Variants in PNP observed in about 807,000 individuals in gnomAD.
PNP encodes the protein purine nucleoside phosphorylase.
Under a neutral mutation model 26.8 loss-of-function variants are expected in PNP, and 18 were observed. The observed-to-expected ratio is 0.67, with a 90% confidence interval of 0.46 to 1.00. The LOEUF is 1.00. PNP is among the 50% of genes least tolerant of loss of function. PNP has a pLI of 0.00. For synonymous variants in PNP, 116 were observed against 124.8 expected, an observed-to-expected ratio of 0.93 and a Z score of 0.47; for missense variants, 320 against 362.9, an observed-to-expected ratio of 0.88 and a Z score of 0.96.
intron 1 of PNP, among the ~76,000 whole-genome samples, chr14:20,471,687 A>C (rs1324717785): frequency 6.6e-6 from 1 of 152,226 alleles, no homozygotes; most frequent in Non-Finnish European, 1.5e-5. Context: ...TTAAAACAAA[A>C]AAGAAATGTA....
intron 1 of PNP, among the ~76,000 whole-genome samples, chr14:20,471,957 C>G (rs1279546113): frequency 6.6e-6 from 1 of 152,156 alleles, no homozygotes; most frequent in Non-Finnish European, 1.5e-5. Flanking sequence ...TGCACTTCCC[C>G]GTACACTCTG....
At chr14:20,472,550 C>A in intron 2 of PNP, 73 bp downstream of exon 2, 1 of 1,382,546 alleles carries the variant, frequency 7.2e-7, no homozygotes, top group Admixed American at 1.8e-5. Context: ...ACCAAGGAGG[C>A]CAATGTTTCT....
At chr14:20,475,317 G>T (rs1594427893) in intron 5 of PNP, 65 bp downstream of exon 5, 1 of 1,417,908 alleles carries the variant, frequency 7.1e-7, no homozygotes, top group South Asian at 1.2e-5. Flanking sequence ...GAAGGGGAAG[G>T]AGTAGGAAAT....
intron 5 of PNP, among the ~76,000 whole-genome samples, chr14:20,475,872 G>A (rs1882098082): frequency 6.6e-6 from 1 of 152,182 alleles, no homozygotes; most frequent in South Asian, 2.1e-4. Context: ...TCTATCATTA[G>A]GATTGAGTTC....
chr14:20,474,392 T>A (rs1427226412), intron 2 of PNP, 80 bp from the exon 3 acceptor site: 3 of 1,141,056 alleles, frequency 2.6e-6, no homozygotes, highest in East Asian at 4.7e-5. Context: ...GCAGAGCGAG[T>A]AACTCACAGT....
chr14:20,474,363 T>C lies in PNP; in HGVS notation c.182-109T>C. 4.3e-6 allele frequency: 4 copies of C among 928,226 alleles called. No homozygotes were observed. In the South Asian group the frequency reaches 5.6e-5, roughly 13 times the overall value. The allele number at this position is 928,226 out of a possible 1,614,324, so 57.5% of individuals were successfully genotyped here. On this transcript the variant is annotated intron_variant, in intron 2 of 5. Coordinates refer to ENST00000361505, the MANE Select transcript of PNP (RefSeq NM_000270.4). Reference sequence around the variant, plus strand: ...AGATAATAATGAGTCTTTTACTTAATTACAACCTAACATTTTGAGCAGAGC... The same window carrying C: ...AGATAATAATGAGTCTTTTACTTAACTACAACCTAACATTTTGAGCAGAGC...
chr14:20,469,885 A>G, intron 1 of PNP: 1 of 482,668 alleles, frequency 2.1e-6, no homozygotes. Context: ...ACTCCATACC[A>G]GGAGGAGGTC....
chr14:20,471,934 T>C (rs750696996), intron 1 of PNP, among the ~76,000 whole-genome samples: 3 of 152,152 alleles, frequency 2.0e-5, no homozygotes, highest in Non-Finnish European at 2.9e-5. Context: ...CCTCCCTAAT[T>C]TGATTATTTC....
chr14:20,470,816 A>G (rs1441526192), intron 1 of PNP: 2 of 152,268 alleles, frequency 1.3e-5, no homozygotes, highest in Non-Finnish European at 2.9e-5. Context: ...TAACAGAGCC[A>G]TAGGTCTTTG....
chr14:20,474,984 G>C (rs756502267), intron 4 of PNP, 36 bp downstream of exon 4: 1 of 1,613,796 alleles, frequency 6.2e-7, no homozygotes, highest in Admixed American at 1.7e-5. Context: ...AGGTGGGTAG[G>C]ATTTAAAGAC....
rs201831232 is a variant in PNP, at chr14:20,474,965, GTT to G, written c.461+24_461+25del. Reference sequence around the variant, plus strand: ...TGATGAAAGGTATGTATGTTACTCCGTTTTTTTTAGGTGGGTAGGATTTAAAG... The same window carrying G: ...TGATGAAAGGTATGTATGTTACTCCGTTTTTTAGGTGGGTAGGATTTAAAG... On this transcript the variant is annotated intron_variant, in intron 4 of 5. Coordinates refer to ENST00000361505, the MANE Select transcript of PNP (RefSeq NM_000270.4). 1 of 1,613,548 alleles carries G rather than the reference GTT, an allele frequency of 6.2e-7. No homozygotes were observed. The highest frequency in any genetic ancestry group is 8.5e-7 in the Non-Finnish European group (1 of 1,179,638).
chr14:20,469,589 C>G, intron 1 of PNP, 54 bp downstream of exon 1: 1 of 1,551,840 alleles, frequency 6.4e-7, no homozygotes, highest in Non-Finnish European at 8.7e-7. Flanking sequence ...GTGCTGTGAC[C>G]CGGGAACCTG....
intron 1 of PNP, among the ~76,000 whole-genome samples, chr14:20,470,138 C>T (rs17884106): frequency 6.6e-6 from 1 of 152,178 alleles, no homozygotes; most frequent in Admixed American, 6.5e-5. Context: ...CTTCCCCCAC[C>T]CCACGCCTTT....
chr14:20,471,828 TA>T (rs1881993424), intron 1 of PNP, among the ~76,000 whole-genome samples: 1 of 152,162 alleles, frequency 6.6e-6, no homozygotes, highest in South Asian at 2.1e-4. Flanking sequence ...GGTAAGGTAA[TA>T]AGGGGGATTT....
At position 20,476,663 on chromosome 14, in the gene PNP, C is replaced by A; in HGVS notation, c.*62C>A. Reference sequence around the variant, plus strand: ...CCCAAGTAGCTGCTACCTTCTTTGGCCCCTTGCTGGAGTCATGTGCCTCTG... The same window carrying A: ...CCCAAGTAGCTGCTACCTTCTTTGGACCCTTGCTGGAGTCATGTGCCTCTG... On this transcript the variant is annotated 3_prime_UTR_variant, in exon 6 of 6. Transcript: ENST00000361505. 1 of 1,348,532 alleles carries A rather than the reference C, an allele frequency of 7.4e-7. No homozygotes were observed. The highest frequency in any genetic ancestry group is 1.1e-6 in the Non-Finnish European group (1 of 941,452). 83.5% of individuals were successfully genotyped at this position (1,348,532 alleles called of 1,614,324 possible). A position where few individuals can be genotyped will look rare whatever the true frequency, so the allele number is the denominator to read the frequency against.
At position 20,476,380 on chromosome 14, in the gene PNP, T is replaced by C. The variant is rs199866228; in HGVS notation, c.653-4T>C. On this transcript the variant is annotated splice_region_variant and splice_polypyrimidine_tract_variant and intron_variant, in intron 5 of 5. Transcript: ENST00000361505. ...CAGTTGGTTTCCATCTTTCTCACTATCAGGCATGAGTACAGTACCAGAAGT... is the reference window on the plus strand; with the variant it reads ...CAGTTGGTTTCCATCTTTCTCACTACCAGGCATGAGTACAGTACCAGAAGT... 1.6e-4 allele frequency: 259 copies of C among 1,610,558 alleles called. No individual in the cohort carries two copies. In the African/African-American group the frequency reaches 2.4e-3, roughly 15 times the overall value.
chr14:20,472,597 G>A (rs769893772), intron 2 of PNP, 120 bp downstream of exon 2: 3 of 990,538 alleles, frequency 3.0e-6, no homozygotes, highest in African/African-American at 1.6e-5. Context: ...GACAAATGTT[G>A]TAAGAGAGGA....
chr14:20,474,359 T>C, intron 2 of PNP, 113 bp from the exon 3 acceptor site: 5 of 893,404 alleles, frequency 5.6e-6, no homozygotes, highest in Non-Finnish European at 9.1e-6. Flanking sequence ...AGTCTTTTAC[T>C]TAATTACAAC....
Position 20,476,555 on chromosome 14 carries a change from T to C in PNP, c.824T>C (p.Val275Ala), listed in dbSNP as rs1882119025. 2 of 1,614,160 alleles carry C rather than the reference T, an allele frequency of 1.2e-6. No homozygotes were observed. The highest frequency in any genetic ancestry group is 8.5e-7 in the Non-Finnish European group (1 of 1,180,034). ...GCTGCACAGAAATTGGAACAGTTTG[T>C]CTCCATTCTTATGGCCAGCATTCCA... ...KQAAQKLEQF[V>A]SILMASIPLP... Residue 275 changes from valine to alanine, a missense_variant, in exon 6 of 6, where the codon GTC becomes GCC. Physicochemically the swap from Val to Ala is moderately conservative, Grantham distance 64. Transcript: ENST00000361505.
Sources: allele counts gnomAD v4.1 joint callset (sites outside exome capture counted in the v4.1 genomes callset), GRCh38; gene constraint gnomAD v4.1.1; transcripts MANE v1.5; gene names NCBI Gene and HGNC (gene_info 2026-07-23, HGNC 2026-07-21).